MELK: variants seen among roughly 807,000 people sequenced by gnomAD.
MELK encodes pEg3 kinase.
MELK carries 81 observed loss-of-function variants against 85.0 expected under a neutral mutation model. That is an observed-to-expected ratio of 0.95 (90% CI 0.80 to 1.15). The LOEUF (loss-of-function observed/expected upper bound fraction) is 1.15. Among genes scored for constraint, MELK ranks in the 50% most tolerant of loss-of-function variants. The pLI is 0.00. For missense variants in MELK, 754 were observed against 777.5 expected (o/e 0.97, Z 0.36); for synonymous variants, 252 against 265.0 (o/e 0.95, Z 0.48).
chr9:36,639,015 G>A (rs191239834), intron 10 of MELK, among the ~76,000 whole-genome samples: 41 of 152,306 alleles, frequency 2.7e-4, no homozygotes, highest in Middle Eastern at 3.4e-3. Flanking sequence ...TGCTTATCTG[G>A]TGTCTGTTGA....
chr9:36,578,341 C>T (rs2134824279), intron 1 of MELK, among the ~76,000 whole-genome samples: 1 of 152,008 alleles, frequency 6.6e-6, no homozygotes. Flanking sequence ...CAGTTCAGTA[C>T]CTGTCAACTT....
intron 8 of MELK, among the ~76,000 whole-genome samples, chr9:36,611,136 G>A (rs919228679): frequency 9.2e-5 from 14 of 152,188 alleles, no homozygotes; most frequent in African/African-American, 3.4e-4. Context: ...ATTTGGGTAA[G>A]GGATACTCGG....
At chr9:36,589,482 T>C in intron 3 of MELK, 54 bp from the exon 4 acceptor site, 2 of 1,428,946 alleles carry the variant, frequency 1.4e-6, no homozygotes, top group African/African-American at 1.4e-5. Context: ...TATTGGAGCT[T>C]GGAACACCAC....
In MELK at chr9:36,674,931, A is replaced by G. The variant is rs199547857; in HGVS notation, c.1772A>G (p.Gln591Arg). The change falls in exon 17 of 18, where the codon CAA becomes CGA. Residue 591 changes from glutamine to arginine, a missense_variant. By Grantham distance (43) the Gln-to-Arg change is conservative. Coordinates refer to ENST00000298048, the MANE Select transcript of MELK (RefSeq NM_014791.4). ...ILPKKHVDFV[Q>R]KGYTLKCQTQ... ...CCAAAGAAGCATGTTGACTTTGTAC[A>G]AAAGGGGTAAGAAGCACATTTACAA... is the stretch of plus-strand genomic sequence containing the variant. The G allele has an allele frequency of 4.9e-4, 764 of 1,571,706 alleles. No individual in the cohort carries two copies. Among genetic ancestry groups the G allele is most frequent in the Non-Finnish European group, 5.9e-4 (677 of 1,141,872 alleles).
At chr9:36,622,044 C>T (rs1325885503) in intron 8 of MELK, among the ~76,000 whole-genome samples, 1 of 152,118 alleles carries the variant, frequency 6.6e-6, no homozygotes, top group Non-Finnish European at 1.5e-5. Flanking sequence ...ATGTCTAATT[C>T]TTGTTCAGTG....
rs1466810017 is a variant in MELK, at chr9:36,635,797, G to C, written c.834+2597G>C. On this transcript the variant is annotated intron_variant, in intron 10 of 17. Coordinates refer to ENST00000298048, the MANE Select transcript of MELK (RefSeq NM_014791.4). Reference sequence around the variant, plus strand: ...TATTTCTACATTGTTTTTAAAAAATGCTTTTTTTTTTTTTTTTGAGATGGA... The same window carrying C: ...TATTTCTACATTGTTTTTAAAAAATCCTTTTTTTTTTTTTTTTGAGATGGA... Among the ~76,000 whole-genome samples, 6 of 148,408 alleles carry C rather than the reference G, an allele frequency of 4.0e-5. No homozygotes were observed. In the South Asian group the frequency reaches 8.5e-4, roughly 21 times the overall value.
Position 36,677,142 on chromosome 9 carries a change from T to G in MELK, c.1779-18T>G. The G allele has an allele frequency of 6.2e-7, 1 of 1,605,934 alleles. No individual in the cohort carries two copies. The highest frequency in any genetic ancestry group is 1.1e-5 in the South Asian group (1 of 89,848). ...TATGGTTCTCCTACTAACTAGCTTC[T>G]TATCTTGTTTTTCACAGTTATACAC... On this transcript the variant is annotated intron_variant, in intron 17 of 17. Transcript: ENST00000298048.
chr9:36,665,355 C>T lies in MELK; in HGVS notation c.1182C>T (p.Thr394=). 1 of 1,591,926 alleles carries T rather than the reference C, an allele frequency of 6.3e-7. No individual in the cohort carries two copies. Among genetic ancestry groups the T allele is most frequent in the South Asian group, 1.1e-5 (1 of 87,294 alleles). ...GAATPRTSQF[T]KYWTESNGVE... ...TAGTAACTTTTTTTTTCCAGTTTAC[C>T]AAGTACTGGACAGAATCAAATGGGG... Residue 394 remains threonine, a synonymous_variant, in exon 14 of 18, where the codon ACC becomes ACT. Coordinates refer to ENST00000298048, the MANE Select transcript of MELK (RefSeq NM_014791.4).
chr9:36,675,248 C>T (rs1229384684), intron 17 of MELK, among the ~76,000 whole-genome samples: 2 of 152,144 alleles, frequency 1.3e-5, no homozygotes, highest in South Asian at 2.1e-4. Flanking sequence ...CACACCACTG[C>T]ACTCCAGCAT....
chr9:36,642,373 G>A (rs1829833297), intron 10 of MELK, among the ~76,000 whole-genome samples: 1 of 148,406 alleles, frequency 6.7e-6, no homozygotes, highest in Admixed American at 6.7e-5. Flanking sequence ...TGCAGGTCTT[G>A]TGGTAGGGAA....
At chr9:36,633,000 AGTTTACATCTGTTCTGAT>A in intron 9 of MELK, 84 bp from the exon 10 acceptor site, 1 of 795,922 alleles carries the variant, frequency 1.3e-6, no homozygotes. Flanking sequence ...GTGATGATAA[AGTTTACATCTGTTCTGAT>A]GCATTTTTAG....
chr9:36,595,957 A>G (rs1251571743), intron 5 of MELK, among the ~76,000 whole-genome samples: 1 of 152,020 alleles, frequency 6.6e-6, no homozygotes, highest in Admixed American at 6.6e-5. Flanking sequence ...CTGGAATTAC[A>G]GGTGCCTGCC....
Position 36,583,613 on chromosome 9 carries a change from AT to A in MELK, c.59-10del, listed in dbSNP as rs757233586. ...GTCCTTGCTTATGCTTTCATAATAC[AT>A]TTTCCTACTTAGGTGGCTTTGCAAA... On this transcript the variant is annotated splice_polypyrimidine_tract_variant and intron_variant, in intron 2 of 17. Transcript: ENST00000298048. 1 of 1,577,460 alleles carries A rather than the reference AT, an allele frequency of 6.3e-7. No homozygotes were observed. Among genetic ancestry groups the A allele is most frequent in the Non-Finnish European group, 8.7e-7 (1 of 1,150,738 alleles).
intron 8 of MELK, among the ~76,000 whole-genome samples, chr9:36,626,963 A>G (rs1827987762): frequency 6.8e-6 from 1 of 147,436 alleles, no homozygotes; most frequent in Non-Finnish European, 1.5e-5. Flanking sequence ...CATCTCAAGA[A>G]GAAAAAAAAA....
At chr9:36,585,727 A>T (rs985729594) in intron 3 of MELK, among the ~76,000 whole-genome samples, 1 of 152,154 alleles carries the variant, frequency 6.6e-6, no homozygotes, top group Non-Finnish European at 1.5e-5. Context: ...GCTTGAGGCC[A>T]GGAGTTCGAG....
Position 36,654,170 on chromosome 9 carries a change from G to A in MELK, c.1053+2293G>A, listed in dbSNP as rs150380144. 1.6e-3 allele frequency among the ~76,000 whole-genome samples: 246 copies of A among 152,206 alleles called. 1 individual carries two copies. Among genetic ancestry groups the A allele is most frequent in the Non-Finnish European group, 1.9e-3 (126 of 68,014 alleles). On this transcript the variant is annotated intron_variant, in intron 12 of 17. Transcript: ENST00000298048. The stretch of plus-strand genomic sequence containing the variant: ...AAACCCTTTAAACTTTCAGGTGCAA[G>A]TAACACATCTGGGTCCAGGAAAATG...
intron 14 of MELK, among the ~76,000 whole-genome samples, chr9:36,666,920 T>TGG (rs975939804): frequency 4.1e-5 from 6 of 148,008 alleles, no homozygotes; most frequent in African/African-American, 1.5e-4. Context: ...GGTGTGTGTG[T>TGG]GGGGGGGTGC....
At chr9:36,640,522 C>T (rs1396809374) in intron 10 of MELK, among the ~76,000 whole-genome samples, 3 of 152,202 alleles carry the variant, frequency 2.0e-5, no homozygotes, top group South Asian at 4.1e-4. Context: ...TCATACCTCA[C>T]TGTAACCTTG....
Position 36,677,524 on chromosome 9 carries a change from C to T in MELK, c.*187C>T. ...TTTTGTGTATGAATCTAAATCAAGC[C>T]CATCTGTCATTATGTTACTGTCTTT... is the stretch of plus-strand genomic sequence containing the variant. On this transcript the variant is annotated 3_prime_UTR_variant, in exon 18 of 18. Transcript: ENST00000298048. 6.3e-6 allele frequency: 3 copies of T among 475,518 alleles called. No homozygotes were observed. Among genetic ancestry groups the T allele is most frequent in the Non-Finnish European group, 7.1e-6 (2 of 281,382 alleles). The allele number at this position is 475,518 out of a possible 1,614,324, so 29.5% of individuals were successfully genotyped here.
Sources: allele counts gnomAD v4.1 joint callset (sites outside exome capture counted in the v4.1 genomes callset), GRCh38; gene constraint gnomAD v4.1.1; transcripts MANE v1.5; gene names NCBI Gene and HGNC (gene_info 2026-07-23, HGNC 2026-07-21).